Variants in SORCS1 observed in about 807,000 individuals in gnomAD.
SORCS1 encodes sortilin related VPS10 domain containing receptor 1, also known as VPS10 domain-containing receptor SorCS1.
SORCS1 carries 60 observed loss-of-function variants against 146.1 expected under a neutral mutation model. That is an observed-to-expected ratio of 0.41 (90% confidence interval 0.33 to 0.51). The LOEUF is 0.51. SORCS1 is among the 20% of genes least tolerant of loss of function. The pLI, the probability that SORCS1 is intolerant of heterozygous loss-of-function variation, is 0.21. For missense variants in SORCS1, 1,352 were observed against 1,487.6 expected (o/e 0.91, Z 1.50); for synonymous variants, 637 against 584.0 (o/e 1.09, Z -1.31).
chr10:106,586,462 C>G (rs1845244424), intron 24 of SORCS1, among the ~76,000 whole-genome samples: 3 of 151,856 alleles, frequency 2.0e-5, no homozygotes, highest in African/African-American at 7.3e-5. Context: ...CTTGCCTTCC[C>G]CTGGGATACT....
chr10:107,073,402 T>A (rs1400992012), intron 1 of SORCS1, among the ~76,000 whole-genome samples: 5 of 152,202 alleles, frequency 3.3e-5, no homozygotes, highest in Non-Finnish European at 7.3e-5. Context: ...GTGACTCAGA[T>A]ATGGCCACTG....
intron 19 of SORCS1, among the ~76,000 whole-genome samples, chr10:106,621,132 G>A (rs1411092097): frequency 6.6e-6 from 1 of 152,162 alleles, no homozygotes; most frequent in Non-Finnish European, 1.5e-5. Flanking sequence ...TCAGGACAGA[G>A]GTGTGTGTGT....
At chr10:106,685,901 T>C (rs968357292) in intron 10 of SORCS1, among the ~76,000 whole-genome samples, 1 of 152,214 alleles carries the variant, frequency 6.6e-6, no homozygotes, top group African/African-American at 2.4e-5. Flanking sequence ...ATCTGATATA[T>C]AGTAAAATAA....
chr10:106,864,737 G>A (rs1355735367), intron 2 of SORCS1, among the ~76,000 whole-genome samples: 1 of 152,184 alleles, frequency 6.6e-6, no homozygotes, highest in South Asian at 2.1e-4. Context: ...GGGTTGGGGG[G>A]TGGGGTAGGG....
chr10:106,862,996 A>T (rs1950082617), intron 2 of SORCS1, among the ~76,000 whole-genome samples: 1 of 152,176 alleles, frequency 6.6e-6, no homozygotes, highest in Non-Finnish European at 1.5e-5. Flanking sequence ...AAAATTTTGT[A>T]AAGTCTATCC....
intron 1 of SORCS1, among the ~76,000 whole-genome samples, chr10:107,130,250 T>TA (rs971073322): frequency 8.6e-5 from 13 of 151,858 alleles, no homozygotes; most frequent in African/African-American, 2.2e-4. Flanking sequence ...GAGGAAAATT[T>TA]AAAAAAAATA....
In SORCS1 at chr10:107,102,503, G is replaced by T. The variant is rs1319746802; in HGVS notation, c.558+61466C>A. Among the ~76,000 whole-genome samples, 4 of 152,326 alleles carry T rather than the reference G, an allele frequency of 2.6e-5. No individual in the cohort carries two copies. The South Asian group carries it at 8.3e-4, about 32-fold the overall frequency. Reference sequence around the variant, plus strand: ...TTGTCAGTGGCTGGCATTTTTAATGGTATCAATTTTTGGAGTTACATATAA... The same window carrying T: ...TTGTCAGTGGCTGGCATTTTTAATGTTATCAATTTTTGGAGTTACATATAA... On this transcript the variant is annotated intron_variant, in intron 1 of 25. Transcript: ENST00000263054.
At chr10:106,930,847 T>G (rs1953382343) in intron 2 of SORCS1, among the ~76,000 whole-genome samples, 2 of 152,198 alleles carry the variant, frequency 1.3e-5, no homozygotes, top group African/African-American at 4.8e-5. Flanking sequence ...AAACCACATC[T>G]GCTCAAAGCC....
chr10:107,009,216 A>C (rs561304216), intron 1 of SORCS1, among the ~76,000 whole-genome samples: 1 of 152,360 alleles, frequency 6.6e-6, no homozygotes, highest in African/African-American at 2.4e-5. Flanking sequence ...AAAAAGCAAC[A>C]ACAGGAAAAA....
rs548656887 is a variant in SORCS1 at position 106,823,093 on chromosome 10, T to C, written c.726+6481A>G. ...CCACCGCACCTGGACCATTTCTTTA[T>C]GAATGAAACATACATCCTTGTTAAA... On this transcript the variant is annotated intron_variant, in intron 3 of 25. Coordinates refer to ENST00000263054, the MANE Select transcript of SORCS1 (RefSeq NM_052918.5). 1.3e-3 allele frequency among the ~76,000 whole-genome samples: 199 copies of C among 152,164 alleles called. 1 individual carries two copies. Among genetic ancestry groups the C allele is most frequent in the Non-Finnish European group, 2.6e-3 (177 of 68,026 alleles).
At chr10:106,713,133 G>A (rs1272793578) in intron 6 of SORCS1, among the ~76,000 whole-genome samples, 2 of 152,152 alleles carry the variant, frequency 1.3e-5, no homozygotes, top group Non-Finnish European at 2.9e-5. Flanking sequence ...GTTGCCCAAA[G>A]GAGCCAGTCT....
intron 17 of SORCS1, among the ~76,000 whole-genome samples, chr10:106,664,993 G>A (rs563583183): frequency 1.1e-4 from 17 of 152,028 alleles, no homozygotes; most frequent in African/African-American, 4.1e-4. Flanking sequence ...ACTATGCTAA[G>A]ACCTCACTGA....
chr10:107,023,466 T>C (rs1331555895), intron 1 of SORCS1, among the ~76,000 whole-genome samples: 1 of 152,230 alleles, frequency 6.6e-6, no homozygotes, highest in Non-Finnish European at 1.5e-5. Context: ...GCACCAAATT[T>C]AATCCCATAA....
At chr10:106,612,070 T>A in intron 21 of SORCS1, 47 bp from the exon 22 acceptor site, 1 of 1,437,104 alleles carries the variant, frequency 7.0e-7, no homozygotes, top group South Asian at 1.2e-5. Context: ...AATAGTCCTG[T>A]CAAGAGGTTT....
At chr10:106,975,561 G>T (rs1037569336) in intron 1 of SORCS1, among the ~76,000 whole-genome samples, 4 of 152,172 alleles carry the variant, frequency 2.6e-5, no homozygotes, top group African/African-American at 4.8e-5. Context: ...GGGAGAAAAA[G>T]AAATGCACAA....
intron 1 of SORCS1, among the ~76,000 whole-genome samples, chr10:106,984,394 A>AGT (rs1956367120): frequency 7.5e-6 from 1 of 134,074 alleles, no homozygotes; most frequent in African/African-American, 2.8e-5. Flanking sequence ...AGTGATTTCC[A>AGT]TTTTTTTTTT....
At chr10:106,804,498 C>T (rs1250996233) in intron 3 of SORCS1, among the ~76,000 whole-genome samples, 1 of 151,984 alleles carries the variant, frequency 6.6e-6, no homozygotes, top group Non-Finnish European at 1.5e-5. Flanking sequence ...AAAACAAACA[C>T]ACACAACTTA....
Position 107,026,545 on chromosome 10 carries a change from G to A in SORCS1, c.559-69965C>T, listed in dbSNP as rs191554049. Among the ~76,000 whole-genome samples, 153 of 151,998 alleles carry A rather than the reference G, an allele frequency of 1.0e-3. 1 individual carries two copies. The highest frequency in any genetic ancestry group is 3.5e-3 in the African/African-American group (146 of 41,462). On this transcript the variant is annotated intron_variant, in intron 1 of 25. Transcript: ENST00000263054. ...AGGCAGGAGAATGGCGTGAACCCAG[G>A]AGGCGAAGCTTGCAGTGAGCCGAGA...
At chr10:106,919,532 A>C (rs962586370) in intron 2 of SORCS1, among the ~76,000 whole-genome samples, 3 of 152,310 alleles carry the variant, frequency 2.0e-5, no homozygotes, top group African/African-American at 7.2e-5. Flanking sequence ...CCTTGGTTTA[A>C]GTGCCTTGGC....
Sources: gnomAD v4.1 joint callset for allele counts (sites outside exome capture counted in the v4.1 genomes callset) on GRCh38, gnomAD v4.1.1 for gene constraint, MANE v1.5 for transcripts, NCBI Gene and HGNC (gene_info 2026-07-23, HGNC 2026-07-21) for gene names.